Variants in C1QTNF3 observed in about 807,000 individuals in gnomAD.
C1QTNF3 encodes complement C1q tumor necrosis factor-related protein 3.
In C1QTNF3, 26 loss-of-function variants were observed where a neutral mutation model predicts 32.6. The observed-to-expected ratio is 0.80, with a 90% CI of 0.58 to 1.11. C1QTNF3 has a LOEUF of 1.11. Ranked by LOEUF, C1QTNF3 falls within the 50% of genes least tolerant of loss-of-function variation. The pLI is 0.00. For synonymous variants in C1QTNF3, 155 were observed against 146.0 expected (o/e 1.06, Z -0.44); for missense variants, 362 against 398.2 (o/e 0.91, Z 0.77).
upstream of C1QTNF3, among the ~76,000 whole-genome samples, chr5:34,047,060 A>G (rs1754998378): frequency 6.6e-6 from 1 of 152,232 alleles, no homozygotes; most frequent in Non-Finnish European, 1.5e-5. Context: ...ACAATTGGGC[A>G]TAATTTTTTA....
Position 34,042,837 on chromosome 5 carries a change from TG to T in C1QTNF3, c.288del (p.Thr97HisfsTer128). The T allele has an allele frequency of 6.2e-7, 1 of 1,612,770 alleles. No homozygotes were observed. The highest frequency in any genetic ancestry group is 8.5e-7 in the Non-Finnish European group (1 of 1,179,028). On this transcript the variant is annotated frameshift_variant, in exon 1 of 6. Coordinates refer to ENST00000382065, the MANE Select transcript of C1QTNF3 (RefSeq NM_181435.6). LOFTEE classifies it high-confidence loss of function. ...HPEVDDLAQI[T>X]TFWGQSPQTG... is the part of the protein sequence containing the mutation. Reference sequence around the variant, plus strand: ...ATTCTGAGTACCTGGCCCCAGAATGTGGTGATCTGGGCTAGGTCATCTACCT... The same window carrying T: ...ATTCTGAGTACCTGGCCCCAGAATGTGTGATCTGGGCTAGGTCATCTACCT...
At chr5:34,059,905 C>T in the C1QTNF3 span, among the ~76,000 whole-genome samples, 1 of 152,196 alleles carries the variant, frequency 6.6e-6, no homozygotes, top group Non-Finnish European at 1.5e-5. Flanking sequence ...GCTGAGTCTG[C>T]CACAACCACC....
the C1QTNF3 span, among the ~76,000 whole-genome samples, chr5:34,144,693 A>G: frequency 6.6e-6 from 1 of 152,246 alleles, no homozygotes; most frequent in Non-Finnish European, 1.5e-5. Context: ...TTCAGAGAAC[A>G]TCAAAATTAA....
chr5:34,172,318 A>G, the C1QTNF3 span, among the ~76,000 whole-genome samples: 2 of 151,652 alleles, frequency 1.3e-5, no homozygotes, highest in African/African-American at 4.8e-5. Context: ...ATAAAAGTAG[A>G]TGAATGTGGT....
the C1QTNF3 span, among the ~76,000 whole-genome samples, chr5:34,147,149 A>G: frequency 1.3e-5 from 2 of 152,190 alleles, no homozygotes; most frequent in Non-Finnish European, 2.9e-5. Context: ...AAAAAAAATA[A>G]TAATAATAAC....
At chr5:34,176,000 G>A in the C1QTNF3 span, 2 of 725,332 alleles carry the variant, frequency 2.8e-6, no homozygotes, top group Admixed American at 2.0e-5. Flanking sequence ...TGGCAGAATT[G>A]TAAATGTTAG....
chr5:34,057,557 T>C, the C1QTNF3 span, among the ~76,000 whole-genome samples: 1 of 152,240 alleles, frequency 6.6e-6, no homozygotes, highest in Non-Finnish European at 1.5e-5. Context: ...TTTTTCCAGT[T>C]TGTTCTCTAC....
the C1QTNF3 span, among the ~76,000 whole-genome samples, chr5:34,177,433 C>A: frequency 6.6e-6 from 1 of 151,444 alleles, no homozygotes; most frequent in Middle Eastern, 3.4e-3. Flanking sequence ...CCTCCTACCT[C>A]AGCCTCCCAA....
intron 5 of C1QTNF3, among the ~76,000 whole-genome samples, chr5:34,022,188 GTAAA>G (rs1754346304): frequency 6.6e-6 from 1 of 152,188 alleles, no homozygotes; most frequent in South Asian, 2.1e-4. Flanking sequence ...AGCCAGCTAA[GTAAA>G]TAGAGTAAAA....
chr5:34,147,464 A>T, the C1QTNF3 span, among the ~76,000 whole-genome samples: 2 of 152,210 alleles, frequency 1.3e-5, no homozygotes, highest in Non-Finnish European at 2.9e-5. Context: ...TAAATACATT[A>T]TGGAGTACTA....
chr5:34,120,606 G>A, the C1QTNF3 span, among the ~76,000 whole-genome samples: 1 of 152,160 alleles, frequency 6.6e-6, no homozygotes, highest in Non-Finnish European at 1.5e-5. Flanking sequence ...AATCATAGGG[G>A]TGGGTCTTTC....
intron 1 of C1QTNF3, 43 bp downstream of exon 1, chr5:34,042,780 C>A (rs1754903362): frequency 1.4e-6 from 2 of 1,478,910 alleles, no homozygotes; most frequent in Non-Finnish European, 1.8e-6. Flanking sequence ...CAACAACACT[C>A]ATTAAGCTTT....
At chr5:34,216,835 A>G in the C1QTNF3 span, among the ~76,000 whole-genome samples, 1 of 152,296 alleles carries the variant, frequency 6.6e-6, no homozygotes, top group South Asian at 2.1e-4. Context: ...TCTTACTTCA[A>G]AATCAACTGC....
intron 3 of C1QTNF3, among the ~76,000 whole-genome samples, chr5:34,032,646 A>T (rs1754643900): frequency 6.6e-6 from 1 of 152,164 alleles, no homozygotes; most frequent in African/African-American, 2.4e-5. Context: ...GAAATACAAA[A>T]ATTAGCCAGG....
chr5:34,174,421 C>T, the C1QTNF3 span, among the ~76,000 whole-genome samples: 2 of 152,160 alleles, frequency 1.3e-5, no homozygotes, highest in African/African-American at 4.8e-5. Context: ...AGGGATGTCC[C>T]CAGAAACCAT....
the C1QTNF3 span, chr5:34,105,752 T>TA: frequency 1.3e-5 from 2 of 149,838 alleles, no homozygotes; most frequent in Non-Finnish European, 3.0e-5. Context: ...GCCTTAACTT[T>TA]AAAAAATGTG....
At chr5:34,139,125 G>GA in the C1QTNF3 span, among the ~76,000 whole-genome samples, 1 of 151,590 alleles carries the variant, frequency 6.6e-6, no homozygotes, top group Non-Finnish European at 1.5e-5. Flanking sequence ...ATATATGAAG[G>GA]TATTCATAAT....
chr5:34,176,228 G>T, the C1QTNF3 span, among the ~76,000 whole-genome samples: 1 of 137,798 alleles, frequency 7.3e-6, no homozygotes, highest in Non-Finnish European at 1.5e-5. Flanking sequence ...ACAGGAAGGG[G>T]AACATCACAC....
chr5:34,223,587 A>G, the C1QTNF3 span, among the ~76,000 whole-genome samples: 6 of 151,870 alleles, frequency 4.0e-5, no homozygotes, highest in Non-Finnish European at 2.9e-5. Context: ...TCCCTGAGGA[A>G]TTGCCACACT....
Sources: gnomAD v4.1 joint callset for allele counts (sites outside exome capture counted in the v4.1 genomes callset) on GRCh38, gnomAD v4.1.1 for gene constraint, MANE v1.5 for transcripts, NCBI Gene and HGNC (gene_info 2026-07-23, HGNC 2026-07-21) for gene names.